NEK5: variants seen among roughly 807,000 people sequenced by gnomAD.
NEK5 encodes the protein NIMA related kinase 5, also known as serine/threonine-protein kinase Nek5.
In NEK5, 88 loss-of-function variants were observed where a neutral mutation model predicts 109.2. The observed-to-expected ratio is 0.81, with a 90% CI of 0.68 to 0.96. The LOEUF is 0.96. Ranked by LOEUF, NEK5 falls within the 40% of genes least tolerant of loss-of-function variation. NEK5 has a pLI of 0.00. For synonymous variants in NEK5, 283 were observed against 299.9 expected (o/e 0.94, Z 0.58); for missense variants, 834 against 920.7 (o/e 0.91, Z 1.22).
At chr13:52,102,439 G>C in intron 9 of NEK5, 147 bp from the exon 10 acceptor site, 1 of 679,294 alleles carries the variant, frequency 1.5e-6, no homozygotes, top group Admixed American at 2.5e-5. Flanking sequence ...TGTAATCCCA[G>C]CAATTTGGGA....
intron 21 of NEK5, among the ~76,000 whole-genome samples, chr13:52,064,268 G>A (rs1954648482): frequency 1.4e-5 from 2 of 141,822 alleles, no homozygotes; most frequent in Admixed American, 6.8e-5. Context: ...CCGTCCGGGA[G>A]GTGAGGGGCG....
intron 12 of NEK5, among the ~76,000 whole-genome samples, chr13:52,094,249 C>T (rs934123755): frequency 6.6e-6 from 1 of 152,072 alleles, no homozygotes; most frequent in African/African-American, 2.4e-5. Flanking sequence ...TGCTAAAGAG[C>T]AAAGTGGGGT....
chr13:52,045,468 A>G (rs181327185), intron 23 of NEK5, among the ~76,000 whole-genome samples: 2,268 of 145,624 alleles, frequency 0.016, 50 homozygotes, highest in African/African-American at 0.054. Flanking sequence ...TTATTTGGGG[A>G]AAAAAAAAAG....
intron 3 of NEK5, among the ~76,000 whole-genome samples, chr13:52,123,311 G>A (rs1956004972): frequency 6.6e-6 from 1 of 152,118 alleles, no homozygotes; most frequent in Non-Finnish European, 1.5e-5. Context: ...ACTTATTTAT[G>A]GCATAGTGAC....
chr13:52,086,709 T>C (rs758387805), intron 15 of NEK5, among the ~76,000 whole-genome samples: 2 of 152,246 alleles, frequency 1.3e-5, no homozygotes, highest in Non-Finnish European at 2.9e-5. Context: ...CCTTAGAATG[T>C]GACCCCATTT....
At chr13:52,107,727 C>G (rs1211885486) in intron 8 of NEK5, among the ~76,000 whole-genome samples, 1 of 151,954 alleles carries the variant, frequency 6.6e-6, no homozygotes, top group African/African-American at 2.4e-5. Flanking sequence ...AACAAGGAGC[C>G]TTTTAAGATT....
chr13:52,093,509 G>A (rs1955341059), intron 12 of NEK5, among the ~76,000 whole-genome samples: 1 of 151,844 alleles, frequency 6.6e-6, no homozygotes, highest in Admixed American at 6.6e-5. Flanking sequence ...GCAGTGAGCT[G>A]AGATCATGCC....
intron 17 of NEK5, among the ~76,000 whole-genome samples, chr13:52,079,716 C>T (rs1236419944): frequency 3.3e-5 from 5 of 152,034 alleles, no homozygotes; most frequent in Non-Finnish European, 7.4e-5. Flanking sequence ...TCTGCCCGGC[C>T]GCCACCCCGT....
At position 52,037,795 on chromosome 13, in the gene NEK5, C is replaced by T. The variant is rs187638152; in HGVS notation, c.2229-577G>A. Among the ~76,000 whole-genome samples, 305 of 152,200 alleles carry T rather than the reference C, an allele frequency of 2.0e-3. 1 individual carries two copies. Among genetic ancestry groups the T allele is most frequent in the African/African-American group, 7.1e-3 (293 of 41,524 alleles). On this transcript the variant is annotated intron_variant, in intron 23 of 23. Coordinates refer to ENST00000684899, the MANE Select transcript of NEK5 (RefSeq NM_001365552.1). ...AAAATTAGCCGGGCGTGGTACCGGG[C>T]GCCTGTAGTCCCAGCTACTCGGGAG...
chr13:52,088,741 G>A (rs979673808), intron 14 of NEK5, among the ~76,000 whole-genome samples: 11 of 152,114 alleles, frequency 7.2e-5, no homozygotes, highest in Admixed American at 2.6e-4. Flanking sequence ...GGAAGAAACC[G>A]GACTGCTAAG....
At chr13:52,104,623 T>G in intron 8 of NEK5, 71 bp from the exon 9 acceptor site, 1 of 1,035,362 alleles carries the variant, frequency 9.7e-7, no homozygotes, top group Non-Finnish European at 1.5e-6. Context: ...ATCCTTACAG[T>G]GCCTTAAATT....
At chr13:52,087,786 C>T (rs541196871) in intron 14 of NEK5, among the ~76,000 whole-genome samples, 37 of 150,370 alleles carry the variant, frequency 2.5e-4, no homozygotes, top group East Asian at 6.0e-4. Flanking sequence ...CCACCACACC[C>T]GGCTAATTTT....
intron 7 of NEK5, among the ~76,000 whole-genome samples, chr13:52,109,850 C>T (rs560785808): frequency 8.5e-5 from 13 of 152,218 alleles, no homozygotes; most frequent in African/African-American, 3.1e-4. Context: ...TTTTCTGGAC[C>T]AAACCCATGT....
At chr13:52,107,501 A>G (rs558125574) in intron 8 of NEK5, among the ~76,000 whole-genome samples, 7 of 152,144 alleles carry the variant, frequency 4.6e-5, no homozygotes, top group Non-Finnish European at 7.4e-5. Context: ...CTGAGGCAGG[A>G]GAATCGCTTG....
At chr13:52,105,217 A>G (rs570985772) in intron 8 of NEK5, among the ~76,000 whole-genome samples, 24 of 151,682 alleles carry the variant, frequency 1.6e-4, no homozygotes, top group African/African-American at 5.8e-4. Flanking sequence ...TGGCTCCTCT[A>G]GCAGCAATGC....
At chr13:52,046,047 G>C (rs899064177) in intron 23 of NEK5, among the ~76,000 whole-genome samples, 12 of 147,118 alleles carry the variant, frequency 8.2e-5, no homozygotes, top group African/African-American at 3.0e-4. Flanking sequence ...CTCCAGTCTG[G>C]GCAACAGAGC....
rs369739125 is a variant in NEK5, at chr13:52,110,491, T to C, written c.396+3A>G. 8.5e-5 allele frequency: 137 copies of C among 1,609,436 alleles called. No homozygotes were observed. The highest frequency in any genetic ancestry group is 6.6e-4 in the Middle Eastern group (4 of 6,068). ...TGTCTTAGTCTTCTCTCTGAGCTGT[T>C]ACCTGAGCTTTTATGTCCCTGTGTA... On this transcript the variant is annotated splice_donor_region_variant and intron_variant, in intron 6 of 23. Coordinates refer to ENST00000684899, the MANE Select transcript of NEK5 (RefSeq NM_001365552.1).
At position 52,075,996 on chromosome 13, in the gene NEK5, C is replaced by T. The variant is rs188087992; in HGVS notation, c.1653+67G>A. 106 of 1,056,146 alleles carry T rather than the reference C, an allele frequency of 1.0e-4. No homozygotes were observed. The African/African-American group carries it at 1.5e-3, about 15-fold the overall frequency. 65.4% of individuals were successfully genotyped at this position (1,056,146 alleles called of 1,614,324 possible). A position where few individuals can be genotyped will look rare whatever the true frequency, so the allele number is the denominator to read the frequency against. On this transcript the variant is annotated intron_variant, in intron 18 of 23. Coordinates refer to ENST00000684899, the MANE Select transcript of NEK5 (RefSeq NM_001365552.1). ...CTAGGGGGAAAATCATGCAGGCAAC[C>T]GAGATCACAAGGTGGCTCCCCAGCC...
chr13:52,064,049 T>TG (rs1192073633), intron 21 of NEK5, among the ~76,000 whole-genome samples: 2 of 90,922 alleles, frequency 2.2e-5, no homozygotes, highest in South Asian at 3.8e-4. Context: ...GGGAGGGAGG[T>TG]GGGGGGGTCA....
Sources: allele counts gnomAD v4.1 joint callset (sites outside exome capture counted in the v4.1 genomes callset), GRCh38; gene constraint gnomAD v4.1.1; transcripts MANE v1.5; gene names NCBI Gene and HGNC (gene_info 2026-07-23, HGNC 2026-07-21).